The following FBXL5 variants were observed in gnomAD, a reference collection of about 807,000 sequenced individuals.
The protein encoded by FBXL5 is F-box and leucine rich repeat protein 5, also known as F-box/LRR-repeat protein 5.
In FBXL5, 26 loss-of-function variants were observed where a neutral mutation model predicts 78.3. The observed-to-expected ratio is 0.33, with a 90% confidence interval of 0.24 to 0.46. The LOEUF (loss-of-function observed/expected upper bound fraction) is 0.46. Ranked by LOEUF, FBXL5 falls within the 20% of genes least tolerant of loss-of-function variation. FBXL5 has a pLI of 1.00. For synonymous variants in FBXL5, 295 were observed against 282.5 expected (o/e 1.04, Z -0.45); for missense variants, 710 against 829.2 (o/e 0.86, Z 1.77).
At chr4:15,655,089 G>A (rs1716702068) in intron 1 of FBXL5, 115 bp downstream of exon 1, 3 of 798,416 alleles carry the variant, frequency 3.8e-6, no homozygotes, top group East Asian at 5.3e-5. Context: ...GCGGCTACTC[G>A]CGCGGCGACG....
chr4:15,639,120 C>T (rs1386595302), intron 3 of FBXL5, among the ~76,000 whole-genome samples: 2 of 152,174 alleles, frequency 1.3e-5, no homozygotes, highest in African/African-American at 2.4e-5. Flanking sequence ...GCCGATATTG[C>T]GCCATTGCAC....
At chr4:15,659,837 T>C (rs898331646), upstream of FBXL5, 18 of 572,712 alleles carry the variant, frequency 3.1e-5, no homozygotes, top group African/African-American at 3.4e-4. Context: ...TGGTTCCATG[T>C]GTATGGCCTG....
intron 4 of FBXL5, among the ~76,000 whole-genome samples, chr4:15,637,253 C>T (rs1348267398): frequency 1.3e-5 from 2 of 152,138 alleles, no homozygotes; most frequent in Non-Finnish European, 2.9e-5. Flanking sequence ...GGTGAGACGA[C>T]AAAATGTAGA....
intron 10 of FBXL5, among the ~76,000 whole-genome samples, chr4:15,607,051 TAC>T (rs1476024093): frequency 1.3e-5 from 2 of 152,144 alleles, no homozygotes; most frequent in Admixed American, 6.6e-5. Context: ...TCTTAAGACA[TAC>T]AGTCTTAGGA....
At position 15,636,739 on chromosome 4, in the gene FBXL5, A is replaced by G. The variant is rs533754018; in HGVS notation, c.584-63T>C. On this transcript the variant is annotated intron_variant, in intron 4 of 10. Transcript: ENST00000341285. ...AAGAGCATATGCAATAAGAAATTAC[A>G]ATTACATTTCTATAAACAAAATCCA... 6.5e-6 allele frequency: 8 copies of G among 1,229,610 alleles called. No homozygotes were observed. The African/African-American group carries it at 9.9e-5, about 15-fold the overall frequency. 76.2% of individuals were successfully genotyped at this position (1,229,610 alleles called of 1,614,324 possible). A position where few individuals can be genotyped will look rare whatever the true frequency, so the allele number is the denominator to read the frequency against.
At chr4:15,649,506 G>A (rs1451776973) in intron 1 of FBXL5, among the ~76,000 whole-genome samples, 2 of 150,390 alleles carry the variant, frequency 1.3e-5, no homozygotes, top group Non-Finnish European at 3.0e-5. Context: ...CTTGAACCCG[G>A]GAGGCAGAGG....
chr4:15,653,272 T>G (rs1716357544), intron 1 of FBXL5, among the ~76,000 whole-genome samples: 1 of 152,204 alleles, frequency 6.6e-6, no homozygotes, highest in Admixed American at 6.5e-5. Context: ...AAACTAGTTA[T>G]GCAAGTGGGA....
chr4:15,623,404 C>T (rs1038778288), intron 9 of FBXL5, among the ~76,000 whole-genome samples: 10 of 151,742 alleles, frequency 6.6e-5, no homozygotes, highest in African/African-American at 1.5e-4. Flanking sequence ...TGAAAGGTCA[C>T]ATGTATTACT....
chr4:15,616,088 G>A (rs1190469509), intron 9 of FBXL5, among the ~76,000 whole-genome samples: 3 of 151,948 alleles, frequency 2.0e-5, no homozygotes, highest in Admixed American at 6.6e-5. Flanking sequence ...AACACTCACC[G>A]CGAAGGTCTG....
intron 9 of FBXL5, among the ~76,000 whole-genome samples, chr4:15,614,233 A>G (rs4331772): frequency 0.77 from 116,732 of 152,146 alleles, 45,063 homozygotes; most frequent in East Asian, 0.91. Context: ...CAGCAGAGCT[A>G]CTGGACTCCA....
At chr4:15,617,360 G>A (rs539041002) in intron 9 of FBXL5, among the ~76,000 whole-genome samples, 4 of 151,888 alleles carry the variant, frequency 2.6e-5, no homozygotes, top group Admixed American at 1.3e-4. Flanking sequence ...TGGGCAACAC[G>A]GTGAAACTCC....
At chr4:15,681,141 C>T (rs1002236406) in intron 1 of FBXL5, 1 of 152,018 alleles carries the variant, frequency 6.6e-6, no homozygotes, top group African/African-American at 2.4e-5. Context: ...TGTTAAAAAT[C>T]AATGATCTGC....
intron 3 of FBXL5, 107 bp downstream of exon 3, chr4:15,640,681 C>T (rs1327622458): frequency 3.7e-6 from 2 of 535,056 alleles, no homozygotes; most frequent in Non-Finnish European, 3.3e-6. Context: ...TTCTTCTCTC[C>T]ATCAACCAGA....
At chr4:15,654,042 C>G (rs1423383144) in intron 1 of FBXL5, among the ~76,000 whole-genome samples, 1 of 152,140 alleles carries the variant, frequency 6.6e-6, no homozygotes, top group Non-Finnish European at 1.5e-5. Context: ...AGATGGAGTG[C>G]TAAGATTTGA....
rs572844621 is a variant in FBXL5 at position 15,616,019 on chromosome 4, G to A, written c.1851-3605C>T. Among the ~76,000 whole-genome samples the A allele has an allele frequency of 6.6e-5, 10 of 151,788 alleles. No individual in the cohort carries two copies. In the South Asian group the frequency reaches 1.5e-3, roughly 22 times the overall value. On this transcript the variant is annotated intron_variant, in intron 9 of 10. Coordinates refer to ENST00000341285, the MANE Select transcript of FBXL5 (RefSeq NM_012161.4). ...CTGCAGCTTCACTCCTGAGCCCAGCGAGACCACGAGGCCACCGGGAGGAAT... is the reference window on the plus strand; with the variant it reads ...CTGCAGCTTCACTCCTGAGCCCAGCAAGACCACGAGGCCACCGGGAGGAAT...
At chr4:15,654,833 C>A (rs1290513000) in intron 1 of FBXL5, among the ~76,000 whole-genome samples, 1 of 152,166 alleles carries the variant, frequency 6.6e-6, no homozygotes, top group East Asian at 1.9e-4. Context: ...CCGGCCGGGG[C>A]ACCCAGGGCT....
chr4:15,654,884 A>C (rs1716653373), intron 1 of FBXL5, among the ~76,000 whole-genome samples: 1 of 152,110 alleles, frequency 6.6e-6, no homozygotes, highest in South Asian at 2.1e-4. Flanking sequence ...CAGCAGCGGG[A>C]GTCCCAGCGC....
At chr4:15,606,950 C>G (rs1484876029) in intron 10 of FBXL5, among the ~76,000 whole-genome samples, 1 of 152,276 alleles carries the variant, frequency 6.6e-6, no homozygotes, top group East Asian at 1.9e-4. Flanking sequence ...ACAATTACTT[C>G]CAACTAAACA....
intron 1 of FBXL5, among the ~76,000 whole-genome samples, chr4:15,670,693 A>G (rs1337941006): frequency 7.8e-6 from 1 of 128,888 alleles, no homozygotes; most frequent in Admixed American, 8.3e-5. Context: ...GTTTTCTTTT[A>G]TAACCCTTGA....
Sources: allele counts gnomAD v4.1 joint callset (sites outside exome capture counted in the v4.1 genomes callset), GRCh38; gene constraint gnomAD v4.1.1; transcripts MANE v1.5; gene names NCBI Gene and HGNC (gene_info 2026-07-23, HGNC 2026-07-21).